RANBP17: variants seen among roughly 807,000 people sequenced by gnomAD.
The protein encoded by RANBP17 is RAN binding protein 17.
In RANBP17, 158 loss-of-function variants were observed where a neutral mutation model predicts 141.2. That is an observed-to-expected ratio of 1.12 (90% CI 0.98 to 1.28). The LOEUF (loss-of-function observed/expected upper bound fraction) is 1.28, where lower values mean the gene tolerates loss of function less well. Among genes scored for constraint, RANBP17 ranks in the 50% most tolerant of loss-of-function variants. The pLI is 0.00. For missense variants in RANBP17, 1,438 were observed against 1,290.7 expected, an observed-to-expected ratio of 1.11 and a Z score of -1.75; for synonymous variants, 430 against 450.0, an observed-to-expected ratio of 0.96 and a Z score of 0.56.
In RANBP17 at chr5:171,052,649, G is replaced by A. The variant is rs187329117; in HGVS notation, c.1710+84272G>A. Among the ~76,000 whole-genome samples the A allele has an allele frequency of 5.4e-3, 818 of 152,254 alleles. 12 individuals are homozygous for A. Among genetic ancestry groups the A allele is most frequent in the African/African-American group, 0.019 (792 of 41,574 alleles). Reference sequence around the variant, plus strand: ...AGCTTTGCAGTAAGTTGTAAAATCAGGAAGTATGAGATCTCCAACTTTGTT... The same window carrying A: ...AGCTTTGCAGTAAGTTGTAAAATCAAGAAGTATGAGATCTCCAACTTTGTT... On this transcript the variant is annotated intron_variant, in intron 14 of 27. Transcript: ENST00000523189.
chr5:170,975,893 G>T (rs1178282730), intron 14 of RANBP17, among the ~76,000 whole-genome samples: 2 of 151,930 alleles, frequency 1.3e-5, no homozygotes, highest in Non-Finnish European at 2.9e-5. Context: ...CATCTTATAA[G>T]TGCTTTCTCT....
chr5:170,898,339 G>GA (rs1770316012), intron 5 of RANBP17, among the ~76,000 whole-genome samples: 2 of 152,094 alleles, frequency 1.3e-5, no homozygotes, highest in African/African-American at 4.8e-5. Context: ...CTTTTCAGAA[G>GA]TGTCTGTTCA....
chr5:171,147,766 G>T lies in RANBP17; in HGVS notation c.1711-22364G>T, dbSNP rs184039912. Among the ~76,000 whole-genome samples the T allele has an allele frequency of 6.5e-3, 992 of 152,170 alleles. 7 individuals are homozygous for T. Among genetic ancestry groups the T allele is most frequent in the Middle Eastern group, 0.014 (4 of 294 alleles). On this transcript the variant is annotated intron_variant, in intron 14 of 27. Coordinates refer to ENST00000523189, the MANE Select transcript of RANBP17 (RefSeq NM_022897.5). ...AAAGGTAAAATTTTTAATCTCAGGT[G>T]GGGGGGTCAGCCCCCCGCCCGGCCA...
chr5:171,126,679 A>G (rs1181404355), intron 14 of RANBP17, among the ~76,000 whole-genome samples: 2 of 152,168 alleles, frequency 1.3e-5, no homozygotes, highest in Non-Finnish European at 2.9e-5. Flanking sequence ...ATCATTTGAG[A>G]CCATTATGAA....
chr5:171,249,483 G>A (rs1408783957), intron 24 of RANBP17, among the ~76,000 whole-genome samples: 3 of 152,192 alleles, frequency 2.0e-5, no homozygotes, highest in Non-Finnish European at 4.4e-5. Context: ...TGATTTTAAA[G>A]CAGCTCAGTG....
chr5:171,264,633 T>C (rs897315923), intron 24 of RANBP17, among the ~76,000 whole-genome samples: 19 of 152,212 alleles, frequency 1.2e-4, no homozygotes, highest in Non-Finnish European at 1.6e-4. Flanking sequence ...CATAGTAAGC[T>C]CTTAATAAAT....
At chr5:171,251,231 G>A (rs1233751654) in intron 24 of RANBP17, among the ~76,000 whole-genome samples, 1 of 152,122 alleles carries the variant, frequency 6.6e-6, no homozygotes, top group Non-Finnish European at 1.5e-5. Flanking sequence ...TGGGACTACA[G>A]GCATGTGCCA....
chr5:170,913,819 GTTTT>G (rs936715199), intron 7 of RANBP17, among the ~76,000 whole-genome samples: 2 of 148,548 alleles, frequency 1.3e-5, no homozygotes, highest in African/African-American at 2.5e-5. Flanking sequence ...ATAGGGTACA[GTTTT>G]TTTTTTATTG....
intron 14 of RANBP17, among the ~76,000 whole-genome samples, chr5:171,144,935 C>T (rs1757938599): frequency 6.6e-6 from 1 of 152,114 alleles, no homozygotes; most frequent in Admixed American, 6.6e-5. Context: ...ATTTTGGCTC[C>T]AGGCATAAAG....
intron 18 of RANBP17, among the ~76,000 whole-genome samples, chr5:171,184,849 T>A (rs1456586433): frequency 6.6e-6 from 1 of 152,168 alleles, no homozygotes; most frequent in Non-Finnish European, 1.5e-5. Context: ...GTAGATACAA[T>A]GTACATATCT....
intron 16 of RANBP17, among the ~76,000 whole-genome samples, chr5:171,172,143 A>G (rs910696726): frequency 1.3e-5 from 2 of 151,964 alleles, no homozygotes; most frequent in African/African-American, 4.8e-5. Context: ...TTCCAGGAAT[A>G]TGTTTATGTT....
chr5:171,224,142 A>G (rs898606757), intron 22 of RANBP17, among the ~76,000 whole-genome samples: 1 of 152,204 alleles, frequency 6.6e-6, no homozygotes, highest in Non-Finnish European at 1.5e-5. Flanking sequence ...AACAACCCAC[A>G]TCATTGTTTT....
At chr5:171,278,638 G>C (rs1488560095) in intron 25 of RANBP17, among the ~76,000 whole-genome samples, 3 of 152,198 alleles carry the variant, frequency 2.0e-5, no homozygotes, top group East Asian at 3.9e-4. Context: ...GAAAAAAGAA[G>C]CAGACATGCC....
chr5:171,053,925 A>ATAT (rs1491125081), intron 14 of RANBP17, among the ~76,000 whole-genome samples: 83 of 32,356 alleles, frequency 2.6e-3, no homozygotes, highest in Non-Finnish European at 3.5e-3. Flanking sequence ...ATATATATAT[A>ATAT]ATTGCTGTAT....
intron 14 of RANBP17, among the ~76,000 whole-genome samples, chr5:171,077,266 G>A (rs1021456778): frequency 6.6e-6 from 1 of 151,944 alleles, no homozygotes; most frequent in Non-Finnish European, 1.5e-5. Context: ...CGTGAACCCG[G>A]TAGGCCGAGC....
At chr5:171,105,723 GA>G (rs34497482) in intron 14 of RANBP17, among the ~76,000 whole-genome samples, 57 of 148,916 alleles carry the variant, frequency 3.8e-4, no homozygotes, top group African/African-American at 1.2e-3. Context: ...GTCTCAAAAA[GA>G]AAAAAAAAAA....
intron 20 of RANBP17, among the ~76,000 whole-genome samples, chr5:171,208,912 GAT>G (rs1408652052): frequency 6.6e-6 from 1 of 152,204 alleles, no homozygotes; most frequent in East Asian, 1.9e-4. Context: ...TCTGTTCCCT[GAT>G]ACATAATGAG....
intron 12 of RANBP17, among the ~76,000 whole-genome samples, chr5:170,933,331 T>A (rs1315666481): frequency 6.6e-6 from 1 of 152,188 alleles, no homozygotes; most frequent in Non-Finnish European, 1.5e-5. Flanking sequence ...ACTAGCGGTC[T>A]ATCAATTTTG....
intron 14 of RANBP17, among the ~76,000 whole-genome samples, chr5:171,112,375 T>A (rs1755297633): frequency 6.6e-6 from 1 of 152,130 alleles, no homozygotes; most frequent in Non-Finnish European, 1.5e-5. Flanking sequence ...GAAAATTTTA[T>A]ATCTTCAATA....
Sources: allele counts gnomAD v4.1 joint callset (sites outside exome capture counted in the v4.1 genomes callset), GRCh38; gene constraint gnomAD v4.1.1; transcripts MANE v1.5; gene names NCBI Gene and HGNC (gene_info 2026-07-23, HGNC 2026-07-21).